RABGAP1L: variants seen among roughly 807,000 people sequenced by gnomAD.
RABGAP1L encodes rab GTPase-activating protein 1-like.
RABGAP1L carries 63 observed loss-of-function variants against 137.7 expected under a neutral mutation model. That is an observed-to-expected ratio of 0.46 (90% CI 0.37 to 0.56). The LOEUF (loss-of-function observed/expected upper bound fraction) is 0.56, where lower values mean the gene tolerates loss of function less well. Among genes scored for constraint, RABGAP1L ranks in the 20% least tolerant of loss-of-function variants. The pLI, the probability that RABGAP1L is intolerant of heterozygous loss-of-function variation, is 0.00. For missense variants in RABGAP1L, 1,095 were observed against 1,244.0 expected (o/e 0.88, Z 1.80); for synonymous variants, 431 against 433.7 (o/e 0.99, Z 0.08).
intron 17 of RABGAP1L, among the ~76,000 whole-genome samples, chr1:174,735,300 C>T (rs532868335): frequency 4.6e-4 from 70 of 151,368 alleles, no homozygotes; most frequent in African/African-American, 1.6e-3. Context: ...TAATCCTTCT[C>T]ATTCCTTAAG....
chr1:174,782,186 TC>T (rs1300254643), intron 18 of RABGAP1L, among the ~76,000 whole-genome samples: 1 of 152,332 alleles, frequency 6.6e-6, no homozygotes, highest in East Asian at 1.9e-4. Flanking sequence ...TATTGATTCT[TC>T]CTATCCCTGA....
intron 1 of RABGAP1L, among the ~76,000 whole-genome samples, chr1:174,162,412 C>T (rs1664545159): frequency 6.6e-6 from 1 of 152,056 alleles, no homozygotes; most frequent in African/African-American, 2.4e-5. Context: ...TCTGTTGTGC[C>T]AAGTAAAAAT....
chr1:174,708,264 C>A (rs1680198147), intron 17 of RABGAP1L, among the ~76,000 whole-genome samples: 1 of 152,138 alleles, frequency 6.6e-6, no homozygotes. Flanking sequence ...ACAATATTCT[C>A]CCTCCTTATC....
At chr1:174,929,753 A>AAATAAAT (rs1663440866) in intron 19 of RABGAP1L, among the ~76,000 whole-genome samples, 2 of 140,794 alleles carry the variant, frequency 1.4e-5, no homozygotes, top group African/African-American at 5.4e-5. Flanking sequence ...GTCTCTACAA[A>AAATAAAT]AAATAAATAA....
intron 1 of RABGAP1L, among the ~76,000 whole-genome samples, chr1:174,162,585 G>A (rs919048772): frequency 6.6e-6 from 1 of 152,154 alleles, no homozygotes; most frequent in East Asian, 1.9e-4. Context: ...AGGGGGTTTG[G>A]AGAATGAAGT....
intron 1 of RABGAP1L, among the ~76,000 whole-genome samples, chr1:174,211,599 A>G (rs943612866): frequency 1.5e-4 from 23 of 152,256 alleles, no homozygotes; most frequent in African/African-American, 5.3e-4. Context: ...AAAACAAGTA[A>G]CAGTTATAGG....
intron 3 of RABGAP1L, among the ~76,000 whole-genome samples, chr1:174,228,173 T>C (rs1464198176): frequency 6.6e-6 from 1 of 152,088 alleles, no homozygotes; most frequent in Non-Finnish European, 1.5e-5. Context: ...GTATAGGCCT[T>C]CTTTGCCTAT....
At chr1:174,866,230 C>T (rs1651220295) in intron 19 of RABGAP1L, among the ~76,000 whole-genome samples, 1 of 150,418 alleles carries the variant, frequency 6.6e-6, no homozygotes, top group South Asian at 2.1e-4. Flanking sequence ...CTCCTTCTCT[C>T]ATCTTTCCCT....
chr1:174,599,821 C>T (rs2148165264), intron 13 of RABGAP1L, among the ~76,000 whole-genome samples: 1 of 152,206 alleles, frequency 6.6e-6, no homozygotes, highest in East Asian at 1.9e-4. Context: ...TGGGTTAAAT[C>T]TGCTTGGTGT....
rs865926350 is a variant in RABGAP1L, at chr1:174,252,531, A to G, written c.927A>G (p.Ile309Met). 9.9e-6 allele frequency: 16 copies of G among 1,613,194 alleles called. No individual in the cohort carries two copies. The Middle Eastern group carries it at 6.6e-4, about 66-fold the overall frequency. ...TTTATTTCAAATTAAAGCAAGGAAT[A>G]GAGAAGAAGGTTGTGATTACAGTGC... ...DKFYFKLKQGIEKKVVITVQQ... is the reference protein window; with the variant it reads ...DKFYFKLKQGMEKKVVITVQQ... The change falls in exon 7 of 26, where the codon ATA (isoleucine) becomes ATG (methionine). Residue 309 changes from isoleucine (I) to methionine (M), a missense_variant. Ile to Met is a conservative substitution (Grantham distance 10). Coordinates refer to ENST00000681986, the MANE Select transcript of RABGAP1L (RefSeq NM_001366446.1).
intron 19 of RABGAP1L, among the ~76,000 whole-genome samples, chr1:174,933,119 TATACATACATACATACATAC>T (rs760968397): frequency 9.4e-4 from 142 of 151,862 alleles, no homozygotes; most frequent in African/African-American, 3.1e-3. Flanking sequence ...TACATACATT[TATACATACATACATACATAC>T]ATACAAACAT....
At chr1:174,202,172 G>A (rs896089183) in intron 1 of RABGAP1L, among the ~76,000 whole-genome samples, 2 of 151,904 alleles carry the variant, frequency 1.3e-5, no homozygotes, top group African/African-American at 4.8e-5. Flanking sequence ...ACCCAGTAAT[G>A]GGATGGCTGG....
intron 11 of RABGAP1L, among the ~76,000 whole-genome samples, chr1:174,310,880 A>G (rs1363001938): frequency 6.6e-6 from 1 of 152,140 alleles, no homozygotes; most frequent in Non-Finnish European, 1.5e-5. Flanking sequence ...TCATTCTCTC[A>G]TATAACTCTT....
chr1:174,616,554 A>C (rs1671896341), intron 13 of RABGAP1L, among the ~76,000 whole-genome samples: 1 of 152,196 alleles, frequency 6.6e-6, no homozygotes, highest in Non-Finnish European at 1.5e-5. Flanking sequence ...GGGGGTATTC[A>C]GACATGGACA....
chr1:174,275,049 CCA>C (rs1307888347), intron 8 of RABGAP1L: 2 of 152,162 alleles, frequency 1.3e-5, no homozygotes, highest in African/African-American at 4.8e-5. Flanking sequence ...CCTCCTCTCT[CCA>C]CACACATATA....
At chr1:174,346,359 G>C (rs1682427908) in intron 11 of RABGAP1L, among the ~76,000 whole-genome samples, 1 of 152,140 alleles carries the variant, frequency 6.6e-6, no homozygotes, top group Non-Finnish European at 1.5e-5. Context: ...CAGTGATGAA[G>C]CCATCAGATC....
chr1:174,858,519 C>T (rs537533216), intron 19 of RABGAP1L, among the ~76,000 whole-genome samples: 2 of 152,178 alleles, frequency 1.3e-5, no homozygotes, highest in Admixed American at 6.5e-5. Context: ...AAGAGTCAGC[C>T]ATTCCAAAAC....
At chr1:174,449,223 T>C in intron 13 of RABGAP1L, 1 of 1,523,060 alleles carries the variant, frequency 6.6e-7, no homozygotes, top group Non-Finnish European at 8.8e-7. Context: ...AAATCAAATG[T>C]AATCTGACAG....
chr1:174,388,982 C>T (rs1250304481), intron 12 of RABGAP1L, among the ~76,000 whole-genome samples: 2 of 151,426 alleles, frequency 1.3e-5, no homozygotes, highest in Non-Finnish European at 3.0e-5. Flanking sequence ...GACTTTTATC[C>T]CCCTCATCTC....
Sources: gnomAD v4.1 joint callset for allele counts (sites outside exome capture counted in the v4.1 genomes callset) on GRCh38, gnomAD v4.1.1 for gene constraint, MANE v1.5 for transcripts, NCBI Gene and HGNC (gene_info 2026-07-23, HGNC 2026-07-21) for gene names.